The following LANCL2 variants were observed in gnomAD, a reference collection of about 807,000 sequenced individuals.
LANCL2 encodes the protein lanC-like protein 2.
Under a neutral mutation model 56.9 loss-of-function variants are expected in LANCL2, and 33 were observed. The observed-to-expected ratio is 0.58, with a 90% confidence interval of 0.44 to 0.78. The LOEUF (loss-of-function observed/expected upper bound fraction) is 0.78. LANCL2 is among the 30% of genes least tolerant of loss of function. The pLI is 0.00. For synonymous variants in LANCL2, 233 were observed against 228.2 expected (o/e 1.02, Z -0.19); for missense variants, 562 against 580.2 (o/e 0.97, Z 0.32).
At position 55,431,404 on chromosome 7, in the gene LANCL2, T is replaced by C; in HGVS notation, c.*84T>C. ...TGCCTGACACAGAAACAACTGGGAA[T>C]CCTGAAAGAGAAGCAGACACCGTCA... is the stretch of plus-strand genomic sequence containing the variant. On this transcript the variant is annotated 3_prime_UTR_variant, in exon 9 of 9. Transcript: ENST00000254770. 1.1e-6 allele frequency: 1 copy of C among 935,904 alleles called. No individual in the cohort carries two copies. 58.0% of individuals were successfully genotyped at this position (935,904 alleles called of 1,614,324 possible). A position where few individuals can be genotyped will look rare whatever the true frequency, so the allele number is the denominator to read the frequency against.
chr7:55,399,772 A>G (rs945428812), intron 3 of LANCL2, among the ~76,000 whole-genome samples, 185 bp from the exon 4 acceptor site: 5 of 152,204 alleles, frequency 3.3e-5, no homozygotes, highest in African/African-American at 1.2e-4. Context: ...TAATTTTGAC[A>G]TTCAAAAGGG....
chr7:55,378,935 A>G (rs1790033710), intron 1 of LANCL2, among the ~76,000 whole-genome samples: 1 of 152,204 alleles, frequency 6.6e-6, no homozygotes, highest in Non-Finnish European at 1.5e-5. Flanking sequence ...GATCGAGACC[A>G]TCCTGGCTAA....
chr7:55,373,089 C>T (rs188759970), intron 1 of LANCL2, among the ~76,000 whole-genome samples: 106 of 152,222 alleles, frequency 7.0e-4, no homozygotes, highest in African/African-American at 2.3e-3. Context: ...TCTATCATAG[C>T]CTGGGTCTCC....
chr7:55,428,841 ATAT>A (rs1299616345), intron 8 of LANCL2, among the ~76,000 whole-genome samples: 4 of 152,226 alleles, frequency 2.6e-5, no homozygotes, highest in African/African-American at 9.7e-5. Context: ...TGAATAATTA[ATAT>A]TAGCAATTAG....
At chr7:55,383,333 G>A (rs1790089316) in intron 1 of LANCL2, among the ~76,000 whole-genome samples, 1 of 152,156 alleles carries the variant, frequency 6.6e-6, no homozygotes, top group Non-Finnish European at 1.5e-5. Flanking sequence ...GAGGAGGAAT[G>A]GTCAGTTATA....
intron 6 of LANCL2, among the ~76,000 whole-genome samples, chr7:55,413,964 T>G (rs151239525): frequency 6.2e-4 from 94 of 152,330 alleles, no homozygotes; most frequent in African/African-American, 2.2e-3. Flanking sequence ...GTTCCCAGCA[T>G]AAATAAATGA....
intron 7 of LANCL2, among the ~76,000 whole-genome samples, chr7:55,426,807 G>A (rs1481233056): frequency 6.6e-6 from 1 of 152,224 alleles, no homozygotes; most frequent in African/African-American, 2.4e-5. Context: ...GGGGGATGGG[G>A]CAAAACAGGA....
intron 7 of LANCL2, among the ~76,000 whole-genome samples, chr7:55,425,818 ATTGT>A (rs1790658114): frequency 6.6e-6 from 1 of 152,210 alleles, no homozygotes; most frequent in African/African-American, 2.4e-5. Context: ...TAATGTGCAG[ATTGT>A]TTGTAATCGT....
intron 2 of LANCL2, among the ~76,000 whole-genome samples, chr7:55,397,896 CACCA>C (rs1790274063): frequency 1.3e-5 from 2 of 151,608 alleles, no homozygotes; most frequent in Non-Finnish European, 2.9e-5. Flanking sequence ...CGAGTTCACT[CACCA>C]GTTCATTGGT....
chr7:55,414,134 ATCT>A (rs1336901060), intron 6 of LANCL2, among the ~76,000 whole-genome samples: 2 of 152,236 alleles, frequency 1.3e-5, no homozygotes, highest in African/African-American at 4.8e-5. Context: ...GTAAAAATAC[ATCT>A]TCTTCATAGT....
chr7:55,370,710 T>G (rs1789933812), intron 1 of LANCL2, among the ~76,000 whole-genome samples: 1 of 151,936 alleles, frequency 6.6e-6, no homozygotes, highest in African/African-American at 2.4e-5. Flanking sequence ...TAAGTGGGGG[T>G]TTTCTAGGCT....
At position 55,391,817 on chromosome 7, in the gene LANCL2, A is replaced by T. The variant is rs775400515; in HGVS notation, c.229A>T (p.Ile77Phe). The T allele has an allele frequency of 3.1e-6, 5 of 1,608,158 alleles. No homozygotes were observed. The highest frequency in any genetic ancestry group is 4.3e-6 in the Non-Finnish European group (5 of 1,174,976). The stretch of plus-strand genomic sequence containing the variant: ...GATCATTCATAATTTCATAAGACGG[A>T]TCCAGACCAAAATTAAAGATCTTCT... ...GKIIHNFIRRIQTKIKDLLQQ... is the reference protein window; with the variant it reads ...GKIIHNFIRRFQTKIKDLLQQ... Residue 77 changes from isoleucine (I) to phenylalanine (F), a missense_variant, in exon 2 of 9, where the codon ATC becomes TTC. Ile to Phe is a conservative substitution (Grantham distance 21). This residue lies in a region of LANCL2 where 184 missense variants were observed against 111.8 expected (regional missense o/e 1.65). Transcript: ENST00000254770.
At chr7:55,430,738 A>G (rs1399318703) in intron 8 of LANCL2, among the ~76,000 whole-genome samples, 1 of 152,108 alleles carries the variant, frequency 6.6e-6, no homozygotes, top group African/African-American at 2.4e-5. Flanking sequence ...TCCACCCCAC[A>G]CCCTTCCTAA....
intron 6 of LANCL2, among the ~76,000 whole-genome samples, chr7:55,419,923 G>A (rs1790590714): frequency 6.6e-6 from 1 of 152,048 alleles, no homozygotes; most frequent in Non-Finnish European, 1.5e-5. Flanking sequence ...GGAGGCCAAG[G>A]TGGAGGATAG....
chr7:55,409,757 C>T (rs965184351), intron 5 of LANCL2, among the ~76,000 whole-genome samples: 8 of 152,078 alleles, frequency 5.3e-5, no homozygotes, highest in East Asian at 1.9e-4. Flanking sequence ...AAAATCTTAT[C>T]GAGAGACTTT....
In LANCL2 at chr7:55,366,099, T is replaced by A; in HGVS notation, c.74T>A (p.Val25Asp). 1 of 1,538,642 alleles carries A rather than the reference T, an allele frequency of 6.5e-7. No individual in the cohort carries two copies. The highest frequency in any genetic ancestry group is 8.8e-7 in the Non-Finnish European group (1 of 1,138,708). The change falls in exon 1 of 9, where the codon GTC (valine) becomes GAC (aspartate). Residue 25 changes from valine to aspartate, a missense_variant. Physicochemically the swap from Val to Asp is radical, Grantham distance 152. Transcript: ENST00000254770. ...GCAGAAATGGAGGAACGGGCGTTCG[T>A]CAACCCCTTCCCGGACTACGAGGCC... is the stretch of plus-strand genomic sequence containing the variant. ...GEAEMEERAFVNPFPDYEAAA... is the reference protein window; with the variant it reads ...GEAEMEERAFDNPFPDYEAAA...
chr7:55,371,838 A>G (rs1789946781), intron 1 of LANCL2, among the ~76,000 whole-genome samples: 1 of 152,230 alleles, frequency 6.6e-6, no homozygotes. Context: ...TCATGGAAGC[A>G]TAAGGAAATC....
chr7:55,416,985 T>TTTTTTG lies in LANCL2; in HGVS notation c.1008+4901_1008+4902insGTTTTT, dbSNP rs1275758327. 4.8e-4 allele frequency among the ~76,000 whole-genome samples: 66 copies of TTTTTTG among 138,540 alleles called. 2 individuals are homozygous for TTTTTTG. The highest frequency in any genetic ancestry group is 7.5e-4 in the Non-Finnish European group (48 of 64,122). 90.9% of individuals were successfully genotyped at this position (138,540 alleles called of 152,430 possible). On this transcript the variant is annotated intron_variant, in intron 6 of 8. Transcript: ENST00000254770. ...AACGAGGTGGTTTTTTTTTTTTTTTTTTTTTTTTTTTGGAGACAGAGTCTC... is the reference window on the plus strand; with the variant it reads ...AACGAGGTGGTTTTTTTTTTTTTTTTTTTTTGTTTTTTTTTTTGGAGACAGAGTCTC...
chr7:55,379,168 C>CAA (rs1790037574), intron 1 of LANCL2, among the ~76,000 whole-genome samples: 1 of 152,100 alleles, frequency 6.6e-6, no homozygotes, highest in Non-Finnish European at 1.5e-5. Context: ...CAAAACAAAA[C>CAA]AAAACTCCAG....
Sources: gnomAD v4.1 joint callset for allele counts (sites outside exome capture counted in the v4.1 genomes callset) on GRCh38, gnomAD v4.1.1 for gene constraint, gnomAD v4.1.1 regional missense constraint, MANE v1.5 for transcripts, NCBI Gene and HGNC (gene_info 2026-07-23, HGNC 2026-07-21) for gene names.